The following ANP32A variants were observed in gnomAD, a reference collection of about 807,000 sequenced individuals.
The protein encoded by ANP32A is acidic nuclear phosphoprotein 32 family member A, also known as acidic leucine-rich nuclear phosphoprotein 32 family member A.
A neutral mutation model predicts 33.9 loss-of-function variants in ANP32A; 1 was observed. The observed-to-expected ratio is 0.03, with a 90% CI of 0.01 to 0.14. The LOEUF (loss-of-function observed/expected upper bound fraction) is 0.14. Ranked by LOEUF, ANP32A falls within the 10% of genes least tolerant of loss-of-function variation. ANP32A has a pLI of 1.00. For synonymous variants in ANP32A, 115 were observed against 120.5 expected, an observed-to-expected ratio of 0.95 and a Z score of 0.30; for missense variants, 155 against 306.0, an observed-to-expected ratio of 0.51 and a Z score of 3.68.
intron 1 of ANP32A, among the ~76,000 whole-genome samples, chr15:68,798,284 C>T (rs1272612949): frequency 6.6e-6 from 1 of 152,140 alleles, no homozygotes; most frequent in Non-Finnish European, 1.5e-5. Flanking sequence ...ATTCAGAGAC[C>T]CAGGAGCTGG....
At chr15:68,815,088 G>C (rs1163221554) in intron 1 of ANP32A, among the ~76,000 whole-genome samples, 2 of 152,210 alleles carry the variant, frequency 1.3e-5, no homozygotes, top group African/African-American at 4.8e-5. Context: ...GGAGGTTCCT[G>C]GGTTGAGGCT....
intron 1 of ANP32A, among the ~76,000 whole-genome samples, chr15:68,805,890 A>G (rs1567038673): frequency 6.6e-6 from 1 of 152,216 alleles, no homozygotes. Context: ...GCGGAACAGA[A>G]GCCCCACAAG....
intron 1 of ANP32A, among the ~76,000 whole-genome samples, chr15:68,808,057 C>G (rs1894261576): frequency 6.6e-6 from 1 of 152,200 alleles, no homozygotes; most frequent in African/African-American, 2.4e-5. Flanking sequence ...GAGCGGATCC[C>G]TGAACCCCAG....
In ANP32A at chr15:68,820,876, C is replaced by T. The variant is rs555189481; in HGVS notation, c.-125G>A. ...CAGCTCCGCTCGGTTCTCGAGCCCC[C>T]AGCACCCGCGGCGCACACTAACCTG... On this transcript the variant is annotated 5_prime_UTR_variant, in exon 1 of 7. Transcript: ENST00000465139. The T allele has an allele frequency of 7.7e-6, 9 of 1,169,692 alleles. No homozygotes were observed. The highest frequency in any genetic ancestry group is 6.1e-5 in the African/African-American group (4 of 65,720). 72.5% of individuals were successfully genotyped at this position (1,169,692 alleles called of 1,614,324 possible).
chr15:68,814,794 C>CT (rs915795131), intron 1 of ANP32A, among the ~76,000 whole-genome samples: 3 of 145,846 alleles, frequency 2.1e-5, no homozygotes. Flanking sequence ...CCAGGATTAT[C>CT]TGTCATTTTC....
At chr15:68,794,449 G>T (rs1430606615) in intron 1 of ANP32A, among the ~76,000 whole-genome samples, 2 of 152,112 alleles carry the variant, frequency 1.3e-5, no homozygotes, top group Non-Finnish European at 2.9e-5. Flanking sequence ...TGTAGCTTTG[G>T]TTTCAACCTT....
chr15:68,796,206 C>G (rs1186257619), intron 1 of ANP32A, among the ~76,000 whole-genome samples: 1 of 152,198 alleles, frequency 6.6e-6, no homozygotes, highest in Non-Finnish European at 1.5e-5. Flanking sequence ...CTCAGCTTCT[C>G]AAGTAGCTGG....
At chr15:68,817,116 G>A (rs1894392765) in intron 1 of ANP32A, among the ~76,000 whole-genome samples, 1 of 152,196 alleles carries the variant, frequency 6.6e-6, no homozygotes, top group Non-Finnish European at 1.5e-5. Flanking sequence ...ACCTATATCG[G>A]CTTTTTAAAA....
intron 1 of ANP32A, among the ~76,000 whole-genome samples, chr15:68,800,439 G>GA (rs34889703): frequency 2.6e-4 from 37 of 143,926 alleles, no homozygotes; most frequent in African/African-American, 6.0e-4. Context: ...ATGCTGCAAA[G>GA]AAAAAAAAAA....
chr15:68,804,645 A>T (rs1316613239), intron 1 of ANP32A, among the ~76,000 whole-genome samples: 1 of 152,004 alleles, frequency 6.6e-6, no homozygotes, highest in East Asian at 1.9e-4. Context: ...CCTCCTGAGT[A>T]GCTGGGATTA....
At chr15:68,818,574 G>A (rs1027693540) in intron 1 of ANP32A, among the ~76,000 whole-genome samples, 28 of 152,148 alleles carry the variant, frequency 1.8e-4, no homozygotes, top group African/African-American at 5.6e-4. Flanking sequence ...AGGGGGCGAA[G>A]CGTGAGAAAT....
chr15:68,784,318 C>T, intron 4 of ANP32A, 79 bp downstream of exon 4: 1 of 1,497,040 alleles, frequency 6.7e-7, no homozygotes, highest in Non-Finnish European at 9.1e-7. Context: ...ACCCAGCCCA[C>T]CCACCTCTGC....
At chr15:68,806,691 C>G (rs1172882032) in intron 1 of ANP32A, among the ~76,000 whole-genome samples, 1 of 152,256 alleles carries the variant, frequency 6.6e-6, no homozygotes, top group Admixed American at 6.5e-5. Context: ...TCAGGCCTAC[C>G]AGAGACAGCT....
At chr15:68,799,137 A>C (rs1030655131) in intron 1 of ANP32A, among the ~76,000 whole-genome samples, 12 of 152,244 alleles carry the variant, frequency 7.9e-5, no homozygotes, top group Non-Finnish European at 1.3e-4. Context: ...AAAAATTATT[A>C]GTGAAGGAAG....
rs749091822 is a variant in ANP32A, at chr15:68,799,669, TG to T, written c.55-11751del. 8.8e-4 allele frequency among the ~76,000 whole-genome samples: 134 copies of T among 152,296 alleles called. No homozygotes were observed. In the Middle Eastern group the frequency reaches 0.014, roughly 15 times the overall value. On this transcript the variant is annotated intron_variant, in intron 1 of 6. Transcript: ENST00000465139. The stretch of plus-strand genomic sequence containing the variant: ...GCTGTGCTGATAGGAACACGTGGGA[TG>T]GACCAGGGCTCCTTGGTCAGGGTCC...
At chr15:68,818,053 A>G (rs529803186) in intron 1 of ANP32A, among the ~76,000 whole-genome samples, 5 of 152,094 alleles carry the variant, frequency 3.3e-5, no homozygotes, top group Admixed American at 2.6e-4. Flanking sequence ...TAAATAAATA[A>G]AAATAAATAA....
intron 1 of ANP32A, among the ~76,000 whole-genome samples, chr15:68,803,698 G>A (rs983291628): frequency 6.6e-6 from 1 of 151,418 alleles, no homozygotes; most frequent in Non-Finnish European, 1.5e-5. Context: ...CTTTTACTAG[G>A]ATACCCCTGA....
At chr15:68,792,020 A>G (rs1440714050) in intron 1 of ANP32A, 1 of 152,014 alleles carries the variant, frequency 6.6e-6, no homozygotes, top group Non-Finnish European at 1.5e-5. Flanking sequence ...GCCTAGACCC[A>G]CCCCTGAACT....
In ANP32A at chr15:68,780,003, T is replaced by C; in HGVS notation, c.*78A>G. On this transcript the variant is annotated 3_prime_UTR_variant, in exon 7 of 7. Transcript: ENST00000465139. This position sits in a 1 kb window ranked among gnomAD's most constrained non-coding sequence, Gnocchi z 4.3. ...AAAAAATAAGTTTCAGGGGGCAGGA[T>C]TGGAGGGGGGGGGGAGAGGGGATAT... 3.9e-6 allele frequency: 5 copies of C among 1,289,340 alleles called. No homozygotes were observed. Among genetic ancestry groups the C allele is most frequent in the East Asian group, 4.9e-5 (2 of 40,734 alleles). 79.9% of individuals were successfully genotyped at this position (1,289,340 alleles called of 1,614,324 possible).
Sources: gnomAD v4.1 joint callset for allele counts (sites outside exome capture counted in the v4.1 genomes callset) on GRCh38, gnomAD v4.1.1 for gene constraint, Gnocchi (gnomAD v3.1) non-coding constraint, MANE v1.5 for transcripts, NCBI Gene and HGNC (gene_info 2026-07-23, HGNC 2026-07-21) for gene names.